Variants in SEMA6A observed in about 807,000 individuals in gnomAD.
The protein encoded by SEMA6A is semaphorin 6A, also known as semaphorin-6A.
In SEMA6A, 25 loss-of-function variants were observed where a neutral mutation model predicts 96.8. That is an observed-to-expected ratio of 0.26 (90% CI 0.19 to 0.36). SEMA6A has a LOEUF of 0.36. Ranked by LOEUF, SEMA6A falls within the 10% of genes least tolerant of loss-of-function variation. The pLI is 1.00. For synonymous variants in SEMA6A, 612 were observed against 518.0 expected (o/e 1.18, Z -2.46); for missense variants, 1,363 against 1,323.1 (o/e 1.03, Z -0.47).
rs368558091 is a variant in SEMA6A at position 116,447,493 on chromosome 5, G to A, written c.2213C>T (p.Thr738Met). The A allele has an allele frequency of 5.0e-6, 8 of 1,613,972 alleles. No individual in the cohort carries two copies. The highest frequency in any genetic ancestry group is 1.7e-5 in the Admixed American group (1 of 60,010). ...HNGKLATPGN[T>M]AKMLIKADQH... ...GTCTGCTTTAATGAGCATCTTGGCC[G>A]TGTTGCCGGGAGTGGCGAGCTTGCC... The change falls in exon 19 of 19, where the codon ACG becomes ATG. Residue 738 changes from threonine to methionine, a missense_variant. By Grantham distance (81) the Thr-to-Met change is moderately conservative. Transcript: ENST00000343348.
chr5:116,528,483 G>T (rs1222511609), intron 1 of SEMA6A, among the ~76,000 whole-genome samples: 2 of 152,140 alleles, frequency 1.3e-5, no homozygotes, highest in African/African-American at 2.4e-5. Flanking sequence ...TGAAACAGAT[G>T]ACTTTGTATG....
chr5:116,564,252 G>C (rs1760937241), intron 1 of SEMA6A, among the ~76,000 whole-genome samples: 1 of 152,108 alleles, frequency 6.6e-6, no homozygotes, highest in Non-Finnish European at 1.5e-5. Flanking sequence ...ATAAAAACTA[G>C]TCATTTTCTA....
intron 1 of SEMA6A, among the ~76,000 whole-genome samples, chr5:116,517,591 C>T (rs1436192437): frequency 6.6e-6 from 1 of 152,124 alleles, no homozygotes; most frequent in East Asian, 1.9e-4. Flanking sequence ...ATGTTCTGGG[C>T]TTATAATGAC....
intron 17 of SEMA6A, chr5:116,468,857 C>G (rs1399993144): frequency 2.0e-5 from 3 of 152,126 alleles, no homozygotes; most frequent in Non-Finnish European, 4.4e-5. Flanking sequence ...CACAACAACT[C>G]CAAAAGCTCC....
intron 1 of SEMA6A, among the ~76,000 whole-genome samples, chr5:116,544,429 G>A (rs7727561): frequency 6.6e-6 from 1 of 151,834 alleles, no homozygotes. Flanking sequence ...TAGCTGAGAT[G>A]ACAGGCATGT....
At chr5:116,567,169 GT>G (rs1298720752) in intron 1 of SEMA6A, among the ~76,000 whole-genome samples, 2 of 152,162 alleles carry the variant, frequency 1.3e-5, no homozygotes, top group South Asian at 2.1e-4. Context: ...ATATATAGTG[GT>G]TTTTTCCTTC....
At position 116,447,733 on chromosome 5, in the gene SEMA6A, G is replaced by C. The variant is rs768942805; in HGVS notation, c.1973C>G (p.Ala658Gly). The C allele has an allele frequency of 6.2e-7, 1 of 1,613,936 alleles. No individual in the cohort carries two copies. Among genetic ancestry groups the C allele is most frequent in the East Asian group, 2.2e-5 (1 of 44,872 alleles). ...CGAGAAGACGGCCCCCATGACGAAA[G>C]CCAGGATGACTGCAATGGCCAAGAG... is the stretch of plus-strand genomic sequence containing the variant. ...VTLLAIAVIL[A>G]FVMGAVFSGI... is the part of the protein sequence containing the mutation. Residue 658 changes from alanine (A) to glycine (G), a missense_variant, in exon 19 of 19, where the codon GCT becomes GGT. By Grantham distance (60) the Ala-to-Gly change is moderately conservative. Coordinates refer to ENST00000343348, the MANE Select transcript of SEMA6A (RefSeq NM_020796.5).
rs1294810847 is a variant in SEMA6A, at chr5:116,486,971, A to G, written c.745-5T>C. ...AGCCACTCTTGGGAAAACTACCTGC[A>G]GAGGAAAAACACATAGGGAAAATTA... On this transcript the variant is annotated splice_polypyrimidine_tract_variant and splice_region_variant and intron_variant, in intron 9 of 18. Coordinates refer to ENST00000343348, the MANE Select transcript of SEMA6A (RefSeq NM_020796.5). 1 of 1,608,108 alleles carries G rather than the reference A, an allele frequency of 6.2e-7. No homozygotes were observed. The highest frequency in any genetic ancestry group is 8.5e-7 in the Non-Finnish European group (1 of 1,174,744).
chr5:116,526,121 C>G (rs1759212233), intron 1 of SEMA6A, among the ~76,000 whole-genome samples: 1 of 151,298 alleles, frequency 6.6e-6, no homozygotes, highest in Non-Finnish European at 1.5e-5. Flanking sequence ...TTGGATCTTC[C>G]TTTGCCTTTT....
Position 116,467,664 on chromosome 5 carries a change from C to A in SEMA6A, c.1813G>T (p.Asp605Tyr), listed in dbSNP as rs1755846244. The A allele has an allele frequency of 1.9e-6, 3 of 1,613,730 alleles. No homozygotes were observed. In the East Asian group the frequency reaches 6.7e-5, roughly 36 times the overall value. ...EGYESRGGML[D>Y]WKHLLDSPDS... Reference sequence around the variant, plus strand: ...GGTGAGTCAAGCAGATGCTTCCAGTCCAGCATTCCTCCCCTAGACTCATAC... The same window carrying A: ...GGTGAGTCAAGCAGATGCTTCCAGTACAGCATTCCTCCCCTAGACTCATAC... Residue 605 changes from aspartate to tyrosine, a missense_variant, in exon 18 of 19, where the codon GAC (aspartate) becomes TAC (tyrosine). By Grantham distance (160) the Asp-to-Tyr change is radical. This residue lies in a region of SEMA6A where 883 missense variants were observed against 763.6 expected (regional missense o/e 1.16). Coordinates refer to ENST00000343348, the MANE Select transcript of SEMA6A (RefSeq NM_020796.5).
intron 1 of SEMA6A, among the ~76,000 whole-genome samples, chr5:116,522,763 T>C (rs1759018243): frequency 6.6e-6 from 1 of 152,184 alleles, no homozygotes; most frequent in Non-Finnish European, 1.5e-5. Context: ...CGTTGATTTC[T>C]GGGCAGGCAC....
intron 16 of SEMA6A, among the ~76,000 whole-genome samples, chr5:116,474,448 C>T (rs79465628): frequency 0.037 from 5,622 of 152,208 alleles, 351 homozygotes; most frequent in African/African-American, 0.13. Context: ...GACACTTCTC[C>T]TATGCTTATT....
chr5:116,460,328 C>A (rs1161175731), intron 18 of SEMA6A, among the ~76,000 whole-genome samples: 1 of 152,118 alleles, frequency 6.6e-6, no homozygotes. Context: ...TAGACATTCT[C>A]TGAACTCAAG....
chr5:116,481,629 C>A (rs532817764), intron 11 of SEMA6A, among the ~76,000 whole-genome samples: 1 of 152,164 alleles, frequency 6.6e-6, no homozygotes, highest in South Asian at 2.1e-4. Context: ...AGGCACACAA[C>A]TCCTGGGGAA....
intron 1 of SEMA6A, among the ~76,000 whole-genome samples, chr5:116,531,937 G>A (rs1759494808): frequency 6.6e-6 from 1 of 152,050 alleles, no homozygotes; most frequent in African/African-American, 2.4e-5. Context: ...AGAGCCAACT[G>A]GAATTAGCTG....
At chr5:116,490,348 C>G (rs1179828402) in intron 7 of SEMA6A, among the ~76,000 whole-genome samples, 1 of 152,058 alleles carries the variant, frequency 6.6e-6, no homozygotes. Context: ...CCTATAGCCC[C>G]GCCTTGGCCT....
At chr5:116,521,998 GGTA>G (rs2112817507) in intron 1 of SEMA6A, among the ~76,000 whole-genome samples, 1 of 152,188 alleles carries the variant, frequency 6.6e-6, no homozygotes, top group Non-Finnish European at 1.5e-5. Context: ...AATAGCTTTG[GGTA>G]TTTTTAAATA....
chr5:116,533,594 A>G (rs1759583043), intron 1 of SEMA6A, among the ~76,000 whole-genome samples: 1 of 152,208 alleles, frequency 6.6e-6, no homozygotes, highest in African/African-American at 2.4e-5. Flanking sequence ...AAAATTGTAC[A>G]GTATGTAGCT....
chr5:116,480,988 C>A (rs1025057537), intron 11 of SEMA6A, among the ~76,000 whole-genome samples: 11 of 152,048 alleles, frequency 7.2e-5, no homozygotes, highest in African/African-American at 2.7e-4. Context: ...CACTGAAACC[C>A]ATCTTGTCCA....
Sources: allele counts gnomAD v4.1 joint callset (sites outside exome capture counted in the v4.1 genomes callset), GRCh38; gene constraint gnomAD v4.1.1; regional missense constraint gnomAD v4.1.1; transcripts MANE v1.5; gene names NCBI Gene and HGNC (gene_info 2026-07-23, HGNC 2026-07-21).